LRRN1: variants seen among roughly 807,000 people sequenced by gnomAD.
LRRN1 encodes leucine rich repeat neuronal 1.
LRRN1 carries 14 observed loss-of-function variants against 45.8 expected under a neutral mutation model. The observed-to-expected ratio is 0.31, with a 90% CI of 0.20 to 0.48. The LOEUF is 0.48. Among genes scored for constraint, LRRN1 ranks in the 20% least tolerant of loss-of-function variants. The probability of loss-of-function intolerance (pLI) is 0.99; values close to 1 mark genes in which losing one functional copy is unlikely to be tolerated. For missense variants in LRRN1, 789 were observed against 874.2 expected (o/e 0.90, Z 1.23); for synonymous variants, 359 against 330.1 (o/e 1.09, Z -0.95).
chr3:3,805,743 C>A (rs924270797), intron 1 of LRRN1, among the ~76,000 whole-genome samples: 9 of 152,174 alleles, frequency 5.9e-5, no homozygotes, highest in African/African-American at 2.2e-4. Flanking sequence ...GACAGTTTCT[C>A]ACCACCTCAC....
In LRRN1 at chr3:3,846,765, C is replaced by T. The variant is rs1693788900; in HGVS notation, c.2124C>T (p.Asp708=). ...CAGACACCAAGCCAACCCAGGTCGA[C>T]ACATCCAGAAGCTATTACATGTGGT... ...GSADTKPTQV[D]TSRSYYMW Residue 708 remains aspartate (D), a synonymous_variant, in exon 2 of 2, where the codon GAC becomes GAT. Transcript: ENST00000319331. The surrounding 1 kb of genome is among the most constrained non-coding windows in gnomAD (Gnocchi z 5.7). 1 of 1,611,968 alleles carries T rather than the reference C, an allele frequency of 6.2e-7. No homozygotes were observed. The highest frequency in any genetic ancestry group is 8.5e-7 in the Non-Finnish European group (1 of 1,179,512).
rs564824957 is a variant in LRRN1, at chr3:3,836,520, C to G, written c.-278-7844C>G. On this transcript the variant is annotated intron_variant, in intron 1 of 1. Transcript: ENST00000319331. ...ATATGACAGGACTTCCTTTTTAAAG[C>G]TGGATAGTATTCCATTGTATGTACA... Among the ~76,000 whole-genome samples, 5 of 152,192 alleles carry G rather than the reference C, an allele frequency of 3.3e-5. No individual in the cohort carries two copies. The South Asian group carries it at 6.2e-4, about 19-fold the overall frequency.
At position 3,846,779 on chromosome 3, in the gene LRRN1, A is replaced by C. The variant is rs1429633337; in HGVS notation, c.2138A>C (p.Tyr713Ser). The C allele has an allele frequency of 6.2e-7, 1 of 1,602,856 alleles. No individual in the cohort carries two copies. The highest frequency in any genetic ancestry group is 8.5e-7 in the Non-Finnish European group (1 of 1,176,516). ...ACCCAGGTCGACACATCCAGAAGCTATTACATGTGGTAACTCAGAGGATAT... is the reference window on the plus strand; with the variant it reads ...ACCCAGGTCGACACATCCAGAAGCTCTTACATGTGGTAACTCAGAGGATAT... Reference protein sequence around the residue: ...KPTQVDTSRSYYMW With the variant: ...KPTQVDTSRSSYMW The change falls in exon 2 of 2, where the codon TAT (tyrosine) becomes TCT (serine). Residue 713 changes from tyrosine (Y) to serine (S), a missense_variant. Tyr to Ser is a moderately radical substitution (Grantham distance 144). Transcript: ENST00000319331. This position sits in a 1 kb window ranked among gnomAD's most constrained non-coding sequence, Gnocchi z 5.7.
intron 1 of LRRN1, among the ~76,000 whole-genome samples, chr3:3,820,518 G>A (rs1287443316): frequency 1.3e-5 from 2 of 152,156 alleles, no homozygotes; most frequent in Admixed American, 1.3e-4. Flanking sequence ...GAGAGCAATG[G>A]TGTACTCTGA....
rs1185372442 is a variant in LRRN1, at chr3:3,835,355, T to G, written c.-278-9009T>G. 2.6e-5 allele frequency among the ~76,000 whole-genome samples: 4 copies of G among 152,176 alleles called. No individual in the cohort carries two copies. The East Asian group carries it at 7.7e-4, about 29-fold the overall frequency. ...ATGTAATTGAACACTGCAGTGACAGTGAAAAATAGGATGCTATCATATAGG... is the reference window on the plus strand; with the variant it reads ...ATGTAATTGAACACTGCAGTGACAGGGAAAAATAGGATGCTATCATATAGG... On this transcript the variant is annotated intron_variant, in intron 1 of 1. Transcript: ENST00000319331.
At position 3,846,826 on chromosome 3, in the gene LRRN1, C is replaced by A; in HGVS notation, c.*34C>A. The A allele has an allele frequency of 1.3e-6, 2 of 1,515,902 alleles. No homozygotes were observed. Among genetic ancestry groups the A allele is most frequent in the South Asian group, 1.2e-5 (1 of 80,014 alleles). The allele number at this position is 1,515,902 out of a possible 1,614,324, so 93.9% of individuals were successfully genotyped here. A position where few individuals can be genotyped will look rare whatever the true frequency, so the allele number is the denominator to read the frequency against. ...ATATTTTGCTTCTGGTAGTAAGGAG[C>A]ACAAAGACGTTTTTGCTTTATTCTG... On this transcript the variant is annotated 3_prime_UTR_variant, in exon 2 of 2. Transcript: ENST00000319331. This position sits in a 1 kb window ranked among gnomAD's most constrained non-coding sequence, Gnocchi z 5.7.
chr3:3,829,380 T>C (rs115107933), intron 1 of LRRN1, among the ~76,000 whole-genome samples: 2,250 of 152,264 alleles, frequency 0.015, 56 homozygotes, highest in African/African-American at 0.051. Flanking sequence ...GGTAGCAGAA[T>C]GTAATGTCGT....
At chr3:3,806,251 G>T (rs974438208) in intron 1 of LRRN1, among the ~76,000 whole-genome samples, 3 of 152,202 alleles carry the variant, frequency 2.0e-5, no homozygotes, top group African/African-American at 4.8e-5. Context: ...TCTAGTCGGG[G>T]TTACAGAAAG....
intron 1 of LRRN1, among the ~76,000 whole-genome samples, chr3:3,833,697 A>G (rs1312055754): frequency 6.6e-6 from 1 of 152,130 alleles, no homozygotes; most frequent in African/African-American, 2.4e-5. Context: ...GCCTCAGGAG[A>G]GAGGCCATCA....
In LRRN1 at chr3:3,845,585, C is replaced by A. The variant is rs759715507; in HGVS notation, c.944C>A (p.Thr315Lys). ...RYALDNLPEL[T>K]KLEATNNPKL... ...GCCCTGGATAACTTGCCTGAACTCA[C>A]AAAGCTGGAAGCCACCAATAACCCT... Residue 315 changes from threonine (T) to lysine (K), a missense_variant, in exon 2 of 2, where the codon ACA (threonine) becomes AAA (lysine). By Grantham distance (78) the Thr-to-Lys change is moderately conservative. Transcript: ENST00000319331. The surrounding 1 kb of genome is among the most constrained non-coding windows in gnomAD (Gnocchi z 6.5). The A allele has an allele frequency of 1.2e-6, 2 of 1,614,102 alleles. No homozygotes were observed.
At chr3:3,827,600 C>T (rs1693252936) in intron 1 of LRRN1, 1 of 433,554 alleles carries the variant, frequency 2.3e-6, no homozygotes. Context: ...AAATTTGAAT[C>T]CTGCATTTGC....
At chr3:3,824,361 A>G (rs1340305282) in intron 1 of LRRN1, among the ~76,000 whole-genome samples, 2 of 152,174 alleles carry the variant, frequency 1.3e-5, no homozygotes, top group South Asian at 2.1e-4. Flanking sequence ...TTGAATTTCT[A>G]TGCCCTCATA....
rs1339912712 is a variant in LRRN1, at chr3:3,845,470, A to G, written c.829A>G (p.Lys277Glu). The change falls in exon 2 of 2, where the codon AAA becomes GAA. Residue 277 changes from lysine to glutamate, a missense_variant. Physicochemically the swap from Lys to Glu is moderately conservative, Grantham distance 56. Transcript: ENST00000319331. This position sits in a 1 kb window ranked among gnomAD's most constrained non-coding sequence, Gnocchi z 6.5. ...FLDLNKNPIH[K>E]IQEGDFKNML... The stretch of plus-strand genomic sequence containing the variant: ...AGACCTCAACAAAAACCCCATTCAC[A>G]AAATCCAAGAAGGGGACTTCAAAAA... 11 of 1,614,044 alleles carry G rather than the reference A, an allele frequency of 6.8e-6. No individual in the cohort carries two copies. Among genetic ancestry groups the G allele is most frequent in the East Asian group, 4.5e-5 (2 of 44,892 alleles).
rs1478751179 is a variant in LRRN1 at position 3,846,772 on chromosome 3, A to G, written c.2131A>G (p.Arg711Gly). The G allele has an allele frequency of 1.2e-6, 2 of 1,609,148 alleles. No homozygotes were observed. Among genetic ancestry groups the G allele is most frequent in the Admixed American group, 3.4e-5 (2 of 58,850 alleles). ...CAAGCCAACCCAGGTCGACACATCC[A>G]GAAGCTATTACATGTGGTAACTCAG... ...DTKPTQVDTS[R>G]SYYMW Residue 711 changes from arginine to glycine, a missense_variant, in exon 2 of 2, where the codon AGA becomes GGA. Arg to Gly is a moderately radical substitution (Grantham distance 125). Coordinates refer to ENST00000319331, the MANE Select transcript of LRRN1 (RefSeq NM_020873.7). The surrounding 1 kb of genome is among the most constrained non-coding windows in gnomAD (Gnocchi z 5.7).
Position 3,847,753 on chromosome 3 carries a change from A to G in LRRN1, c.*961A>G, listed in dbSNP as rs1312190403. The G allele has an allele frequency of 6.0e-6, 1 of 166,618 alleles. No individual in the cohort carries two copies. Among genetic ancestry groups the G allele is most frequent in the Non-Finnish European group, 1.5e-5 (1 of 68,100 alleles). The allele number at this position is 166,618 out of a possible 1,614,324, so 10.3% of individuals were successfully genotyped here. A position where few individuals can be genotyped will look rare whatever the true frequency, so the allele number is the denominator to read the frequency against. On this transcript the variant is annotated 3_prime_UTR_variant, in exon 2 of 2. Coordinates refer to ENST00000319331, the MANE Select transcript of LRRN1 (RefSeq NM_020873.7). ...TAAAGCTAGGCCCTAAAAGGTTTTA[A>G]TTCTTTTTCTAAGGGAAGAAATGTC...
At chr3:3,827,628 C>T (rs1415948928) in intron 1 of LRRN1, 5 of 391,934 alleles carry the variant, frequency 1.3e-5, no homozygotes, top group Middle Eastern at 4.7e-4. Context: ...CTATTTGGAG[C>T]CTGAGAAAAA....
At chr3:3,826,244 G>A (rs1364595099) in intron 1 of LRRN1, among the ~76,000 whole-genome samples, 1 of 152,152 alleles carries the variant, frequency 6.6e-6, no homozygotes, top group Non-Finnish European at 1.5e-5. Flanking sequence ...AAGGGAGGGA[G>A]GAAGCATTGC....
At position 3,845,958 on chromosome 3, in the gene LRRN1, C is replaced by G; in HGVS notation, c.1317C>G (p.Ile439Met). ...TCCCAAATCGTTTAAACGTGGATAT[C>G]GGCACGACGGTTTTCCTAGACTGTC... ...DSFPNRLNVD[I>M]GTTVFLDCRA... The change falls in exon 2 of 2, where the codon ATC becomes ATG. Residue 439 changes from isoleucine (I) to methionine (M), a missense_variant. Transcript: ENST00000319331. This position sits in a 1 kb window ranked among gnomAD's most constrained non-coding sequence, Gnocchi z 6.5. The G allele has an allele frequency of 1.2e-6, 2 of 1,614,086 alleles. No individual in the cohort carries two copies. Among genetic ancestry groups the G allele is most frequent in the Middle Eastern group, 1.6e-4 (1 of 6,062 alleles).
chr3:3,840,909 A>G (rs1693638931), intron 1 of LRRN1, among the ~76,000 whole-genome samples: 1 of 152,228 alleles, frequency 6.6e-6, no homozygotes, highest in African/African-American at 2.4e-5. Context: ...CATAAAGGCT[A>G]TTTCTCAATA....
Sources: allele counts gnomAD v4.1 joint callset (sites outside exome capture counted in the v4.1 genomes callset), GRCh38; gene constraint gnomAD v4.1.1; non-coding constraint Gnocchi (gnomAD v3.1); transcripts MANE v1.5; gene names NCBI Gene and HGNC (gene_info 2026-07-23, HGNC 2026-07-21).